YWHAE: variants seen among roughly 807,000 people sequenced by gnomAD.
YWHAE encodes tyrosine 3-monooxygenase/tryptophan 5-monooxygenase activation protein epsilon.
In YWHAE, 4 loss-of-function variants were observed where a neutral mutation model predicts 30.1. The ratio of observed to expected loss-of-function variants is 0.13; its 90% CI spans 0.07 to 0.30. The LOEUF is 0.30. YWHAE is among the 10% of genes least tolerant of loss of function. The probability of loss-of-function intolerance (pLI) is 1.00; values close to 1 mark genes in which losing one functional copy is unlikely to be tolerated. For missense variants in YWHAE, 121 were observed against 315.9 expected, an observed-to-expected ratio of 0.38 and a Z score of 4.68; for synonymous variants, 118 against 111.8, an observed-to-expected ratio of 1.06 and a Z score of -0.35.
chr17:1,356,506 C>G (rs1021210950), intron 4 of YWHAE, among the ~76,000 whole-genome samples: 1 of 152,224 alleles, frequency 6.6e-6, no homozygotes, highest in Non-Finnish European at 1.5e-5. Context: ...TAAGCAGAAG[C>G]ATGAGCAAAG....
chr17:1,348,877 T>A (rs1329223664), intron 5 of YWHAE, among the ~76,000 whole-genome samples: 2 of 145,768 alleles, frequency 1.4e-5, no homozygotes, highest in African/African-American at 5.1e-5. Context: ...CAAAAAAAAA[T>A]TAGCCGGGCA....
At chr17:1,393,668 T>C (rs971241331) in intron 1 of YWHAE, among the ~76,000 whole-genome samples, 1 of 152,180 alleles carries the variant, frequency 6.6e-6, no homozygotes. Flanking sequence ...TGACCTCAGG[T>C]GATCCGCCCA....
Position 1,361,317 on chromosome 17 carries a change from T to A in YWHAE, c.372-19A>T, listed in dbSNP as rs556044563. ...CCCTTTCCTAAAACAAAACCAAAAT[T>A]AAAAAAAAAAAAAAAATTTAAACTA... is the stretch of plus-strand genomic sequence containing the variant. On this transcript the variant is annotated intron_variant, in intron 3 of 5. Transcript: ENST00000264335. 12,863 of 1,358,758 alleles carry A rather than the reference T, an allele frequency of 9.5e-3. 25 individuals carry two copies. Among genetic ancestry groups the A allele is most frequent in the Non-Finnish European group, 0.011 (11,162 of 1,006,858 alleles). 84.2% of individuals were successfully genotyped at this position (1,358,758 alleles called of 1,614,324 possible). A position where few individuals can be genotyped will look rare whatever the true frequency, so the allele number is the denominator to read the frequency against.
At chr17:1,382,249 C>T (rs146219780) in intron 1 of YWHAE, among the ~76,000 whole-genome samples, 7,309 of 148,788 alleles carry the variant, frequency 0.049, 245 homozygotes, top group Middle Eastern at 0.078. Context: ...GGGGTTTCAC[C>T]GTGTTAGCCA....
At chr17:1,350,203 C>T (rs1323736303) in intron 5 of YWHAE, among the ~76,000 whole-genome samples, 23 of 151,962 alleles carry the variant, frequency 1.5e-4, no homozygotes, top group Admixed American at 1.1e-3. Context: ...CCACCCGCTT[C>T]GGCCTCCCAA....
At chr17:1,365,657 A>C (rs1446487355) in intron 1 of YWHAE, among the ~76,000 whole-genome samples, 1 of 152,162 alleles carries the variant, frequency 6.6e-6, no homozygotes, top group African/African-American at 2.4e-5. Context: ...CATCTACCGC[A>C]AGCATAGGGA....
At chr17:1,357,089 G>A (rs909734604) in intron 4 of YWHAE, among the ~76,000 whole-genome samples, 1 of 148,952 alleles carries the variant, frequency 6.7e-6, no homozygotes, top group Non-Finnish European at 1.5e-5. Flanking sequence ...CTAACACAGG[G>A]AAACCCCATC....
intron 1 of YWHAE, among the ~76,000 whole-genome samples, chr17:1,388,107 T>TTTTG (rs2073330790): frequency 4.3e-5 from 2 of 46,524 alleles, no homozygotes; most frequent in South Asian, 9.7e-4. Context: ...TTTTGTTTTT[T>TTTTG]TTTTTGGTTG....
intron 5 of YWHAE, among the ~76,000 whole-genome samples, chr17:1,348,882 C>T (rs1488582598): frequency 6.6e-6 from 1 of 150,430 alleles, no homozygotes; most frequent in African/African-American, 2.5e-5. Context: ...AAAAATTAGC[C>T]GGGCATGGTG....
intron 5 of YWHAE, among the ~76,000 whole-genome samples, chr17:1,350,237 C>G (rs965966502): frequency 6.6e-6 from 1 of 152,000 alleles, no homozygotes. Context: ...TAGGCGTGAG[C>G]CACTGCACCA....
chr17:1,399,668 G>C, intron 1 of YWHAE: 1 of 357,692 alleles, frequency 2.8e-6, no homozygotes. Flanking sequence ...CCACCCAATT[G>C]TTCTCCACAT....
chr17:1,391,795 T>A (rs1393179237), intron 1 of YWHAE, among the ~76,000 whole-genome samples: 1 of 151,978 alleles, frequency 6.6e-6, no homozygotes, highest in African/African-American at 2.4e-5. Context: ...CACAGTGGGA[T>A]CCCGTCTCCA....
intron 1 of YWHAE, 50 bp downstream of exon 1, chr17:1,399,997 G>C (rs1171005949): frequency 1.2e-6 from 2 of 1,607,574 alleles, no homozygotes; most frequent in Non-Finnish European, 1.7e-6. Context: ...CTCTGTGGGC[G>C]GCGGCAGAGG....
intron 1 of YWHAE, among the ~76,000 whole-genome samples, chr17:1,395,402 G>A (rs999986483): frequency 6.6e-6 from 1 of 152,056 alleles, no homozygotes; most frequent in African/African-American, 2.4e-5. Flanking sequence ...GGTGGCACGC[G>A]CCTGTAGTCC....
chr17:1,383,965 G>A lies in YWHAE; in HGVS notation c.64+16082C>T, dbSNP rs1306857092. ...TCACGCCTGTAATTCAAGCACTTTG[G>A]GAGGCCGAGGCACGTGGATCACAAG... On this transcript the variant is annotated intron_variant, in intron 1 of 5. Transcript: ENST00000264335. 2.6e-5 allele frequency among the ~76,000 whole-genome samples: 4 copies of A among 152,054 alleles called. No homozygotes were observed. The East Asian group carries it at 7.8e-4, about 30-fold the overall frequency.
chr17:1,350,116 C>A (rs1365686959), intron 5 of YWHAE, among the ~76,000 whole-genome samples: 1 of 151,824 alleles, frequency 6.6e-6, no homozygotes, highest in African/African-American at 2.4e-5. Flanking sequence ...CGACGCCTGG[C>A]TAATTTTGTA....
At chr17:1,360,745 G>A (rs2072851342) in intron 4 of YWHAE, among the ~76,000 whole-genome samples, 1 of 152,116 alleles carries the variant, frequency 6.6e-6, no homozygotes, top group Non-Finnish European at 1.5e-5. Flanking sequence ...TAGCCTGGGA[G>A]ACAGAGTGAG....
At chr17:1,365,838 G>A (rs144400467) in intron 1 of YWHAE, among the ~76,000 whole-genome samples, 1 of 152,254 alleles carries the variant, frequency 6.6e-6, no homozygotes, top group East Asian at 1.9e-4. Flanking sequence ...TTAGGGCCAG[G>A]AGTAAGTGGC....
chr17:1,359,264 G>T (rs536869631), intron 4 of YWHAE, among the ~76,000 whole-genome samples: 14 of 152,176 alleles, frequency 9.2e-5, no homozygotes, highest in Non-Finnish European at 1.6e-4. Context: ...AGGCTGCAGT[G>T]AGCTATGAGT....
Sources: gnomAD v4.1 joint callset for allele counts (sites outside exome capture counted in the v4.1 genomes callset) on GRCh38, gnomAD v4.1.1 for gene constraint, MANE v1.5 for transcripts, NCBI Gene and HGNC (gene_info 2026-07-23, HGNC 2026-07-21) for gene names.